B3GALNT2: variants seen among roughly 807,000 people sequenced by gnomAD.
B3GALNT2 encodes the protein UDP-GalNAc:beta-1,3-N-acetylgalactosaminyltransferase 2.
A neutral mutation model predicts 61.1 loss-of-function variants in B3GALNT2; 53 were observed. The ratio of observed to expected loss-of-function variants is 0.87; its 90% CI spans 0.70 to 1.09. The LOEUF is 1.09. Among genes scored for constraint, B3GALNT2 ranks in the 50% least tolerant of loss-of-function variants. The pLI is 0.00. For missense variants in B3GALNT2, 544 were observed against 623.0 expected, an observed-to-expected ratio of 0.87 and a Z score of 1.35; for synonymous variants, 223 against 237.4, an observed-to-expected ratio of 0.94 and a Z score of 0.56.
At chr1:235,496,547 C>CTTTTTTT (rs1396277043) in intron 1 of B3GALNT2, among the ~76,000 whole-genome samples, 4 of 133,408 alleles carry the variant, frequency 3.0e-5, no homozygotes, top group Non-Finnish European at 4.9e-5. Context: ...GTACTTGTTT[C>CTTTTTTT]TTTTTTTTTT....
At chr1:235,494,002 A>T (rs1685196522) in intron 2 of B3GALNT2, among the ~76,000 whole-genome samples, 1 of 152,180 alleles carries the variant, frequency 6.6e-6, no homozygotes, top group African/African-American at 2.4e-5. Flanking sequence ...CTAATAACTG[A>T]GAGCTATCTA....
chr1:235,448,221 A>C lies in B3GALNT2; in HGVS notation c.*1985T>G, dbSNP rs996819007. On this transcript the variant is annotated 3_prime_UTR_variant, in exon 12 of 12. Transcript: ENST00000366600. ...TTAAGTAAGTAAGTAAGTCAGTCTC[A>C]AAAAAAAAAAAAAAAAAAAGACAGA... is the stretch of plus-strand genomic sequence containing the variant. 2.2e-4 allele frequency: 30 copies of C among 136,708 alleles called. No homozygotes were observed. The highest frequency in any genetic ancestry group is 1.3e-3 in the African/African-American group (22 of 16,610). 8.5% of individuals were successfully genotyped at this position (136,708 alleles called of 1,614,324 possible). A position where few individuals can be genotyped will look rare whatever the true frequency, so the allele number is the denominator to read the frequency against.
chr1:235,491,620 A>G (rs1031003247), intron 2 of B3GALNT2, among the ~76,000 whole-genome samples: 9 of 152,112 alleles, frequency 5.9e-5, no homozygotes, highest in Non-Finnish European at 2.9e-5. Context: ...TCAGAACACT[A>G]GCAATCTTCC....
chr1:235,462,861 G>T (rs1412611438), intron 7 of B3GALNT2, among the ~76,000 whole-genome samples: 2 of 152,186 alleles, frequency 1.3e-5, no homozygotes, highest in African/African-American at 2.4e-5. Context: ...ACTAAAGGTA[G>T]ATCTACCATT....
chr1:235,479,130 C>G (rs1684437767), intron 5 of B3GALNT2: 1 of 152,118 alleles, frequency 6.6e-6, no homozygotes. Context: ...TCCAAAGACC[C>G]ATAGTATGTT....
chr1:235,461,449 A>G lies in B3GALNT2; in HGVS notation c.842-2663T>C, dbSNP rs532908268. ...TTTAATGGCCACTGCTGCGACCCTG[A>G]TGCAGGTAGGCAGAACACAGACCAG... On this transcript the variant is annotated intron_variant, in intron 7 of 11. Transcript: ENST00000366600. Among the ~76,000 whole-genome samples, 9 of 147,582 alleles carry G rather than the reference A, an allele frequency of 6.1e-5. No homozygotes were observed. The East Asian group carries it at 1.6e-3, about 27-fold the overall frequency.
In B3GALNT2 at chr1:235,474,971, A is replaced by T. The variant is rs1471878272; in HGVS notation, c.652-4011T>A. Among the ~76,000 whole-genome samples the T allele has an allele frequency of 1.2e-3, 36 of 30,098 alleles. 4 individuals carry two copies. In the East Asian group the frequency reaches 0.016, roughly 14 times the overall value. The allele number at this position is 30,098 out of a possible 152,430, so 19.7% of individuals were successfully genotyped here. A position where few individuals can be genotyped will look rare whatever the true frequency, so the allele number is the denominator to read the frequency against. On this transcript the variant is annotated intron_variant, in intron 5 of 11. Coordinates refer to ENST00000366600, the MANE Select transcript of B3GALNT2 (RefSeq NM_152490.5). ...GAGACATATATATATATATATATAT[A>T]TATATATATATATATATTTTTTTTT...
chr1:235,492,596 C>G (rs1240430646), intron 2 of B3GALNT2, among the ~76,000 whole-genome samples: 2 of 152,170 alleles, frequency 1.3e-5, no homozygotes, highest in African/African-American at 4.8e-5. Flanking sequence ...AGTGAAAAAA[C>G]CTGAAGCCCC....
chr1:235,444,478 G>T (rs1204982096), downstream of B3GALNT2, among the ~76,000 whole-genome samples: 1 of 152,060 alleles, frequency 6.6e-6, no homozygotes, highest in East Asian at 1.9e-4. Context: ...CTCACTGCAG[G>T]CTCCATCACC....
At chr1:235,479,817 C>T (rs1042853200) in intron 5 of B3GALNT2, 6 of 417,560 alleles carry the variant, frequency 1.4e-5, no homozygotes, top group African/African-American at 6.0e-5. Flanking sequence ...AAATAAACTA[C>T]GGAAACATGC....
intron 3 of B3GALNT2, among the ~76,000 whole-genome samples, chr1:235,488,241 A>C (rs1041529420): frequency 6.6e-6 from 1 of 152,192 alleles, no homozygotes; most frequent in Non-Finnish European, 1.5e-5. Context: ...GCAGTTTTCC[A>C]AAAGTTCAAA....
At chr1:235,473,075 T>C (rs773197693) in intron 5 of B3GALNT2, among the ~76,000 whole-genome samples, 1 of 151,900 alleles carries the variant, frequency 6.6e-6, no homozygotes, top group Non-Finnish European at 1.5e-5. Flanking sequence ...CCACCATGCC[T>C]AGCTAATTTT....
intron 1 of B3GALNT2, among the ~76,000 whole-genome samples, chr1:235,500,629 G>T (rs1296820231): frequency 1.3e-5 from 2 of 152,112 alleles, no homozygotes; most frequent in Non-Finnish European, 2.9e-5. Flanking sequence ...TGAAAATGAA[G>T]AAAACATGTG....
At chr1:235,470,824 T>C (rs1217622005) in intron 6 of B3GALNT2, 26 bp downstream of exon 6, 1 of 1,608,886 alleles carries the variant, frequency 6.2e-7, no homozygotes. Context: ...AAATATGCAA[T>C]TAAACCTTAA....
rs140100348 is a variant in B3GALNT2 at position 235,484,481 on chromosome 1, G to A, written c.396C>T (p.Ser132=). 152 of 1,614,106 alleles carry A rather than the reference G, an allele frequency of 9.4e-5. No individual in the cohort carries two copies. The highest frequency in any genetic ancestry group is 1.2e-4 in the Non-Finnish European group (142 of 1,180,022). ...CAGGCAGCCCCGATGAAGTGTCTTC[G>A]GACAGACTGAACGCTTCAATTTCCT... ...LNQEIEAFSL[S]EDTSSGLPED... Residue 132 remains serine, a synonymous_variant, in exon 4 of 12, where the codon TCC becomes TCT. Coordinates refer to ENST00000366600, the MANE Select transcript of B3GALNT2 (RefSeq NM_152490.5).
In B3GALNT2 at chr1:235,458,797, A is replaced by C. The variant is rs190092314; in HGVS notation, c.842-11T>G. 1 of 1,568,076 alleles carries C rather than the reference A, an allele frequency of 6.4e-7. No individual in the cohort carries two copies. Among genetic ancestry groups the C allele is most frequent in the Non-Finnish European group, 8.6e-7 (1 of 1,159,872 alleles). On this transcript the variant is annotated splice_polypyrimidine_tract_variant and intron_variant, in intron 7 of 11. Transcript: ENST00000366600. ...AGAGAGCATCACCTTCTATAAAGGA[A>C]AAGTTGAGAGTTGGAGAAAAATGCT...
At chr1:235,491,020 TG>T (rs1209346097) in intron 2 of B3GALNT2, among the ~76,000 whole-genome samples, 8 of 151,112 alleles carry the variant, frequency 5.3e-5, no homozygotes, top group Non-Finnish European at 1.5e-5. Context: ...ATAGAGAAAA[TG>T]TTGATAATGC....
At chr1:235,473,272 T>C (rs968182331) in intron 5 of B3GALNT2, among the ~76,000 whole-genome samples, 1 of 152,144 alleles carries the variant, frequency 6.6e-6, no homozygotes, top group Non-Finnish European at 1.5e-5. Flanking sequence ...CCAAAACAGA[T>C]AAAAATATTC....
At chr1:235,474,357 C>G (rs925896108) in intron 5 of B3GALNT2, among the ~76,000 whole-genome samples, 1 of 152,210 alleles carries the variant, frequency 6.6e-6, no homozygotes, top group African/African-American at 2.4e-5. Flanking sequence ...CATAAGCAAG[C>G]TGTCTGTAAC....
Sources: allele counts gnomAD v4.1 joint callset (sites outside exome capture counted in the v4.1 genomes callset), GRCh38; gene constraint gnomAD v4.1.1; transcripts MANE v1.5; gene names NCBI Gene and HGNC (gene_info 2026-07-23, HGNC 2026-07-21).